Variants in ERC2 observed in about 807,000 individuals in gnomAD.
ERC2 encodes ELKS/RAB6-interacting/CAST family member 2.
In ERC2, 42 loss-of-function variants were observed where a neutral mutation model predicts 114.8. The ratio of observed to expected loss-of-function variants is 0.37; its 90% confidence interval spans 0.29 to 0.47. The LOEUF is 0.47. ERC2 is among the 20% of genes least tolerant of loss of function. The pLI, the probability that ERC2 is intolerant of heterozygous loss-of-function variation, is 0.99. For missense variants in ERC2, 939 were observed against 1,150.7 expected, an observed-to-expected ratio of 0.82 and a Z score of 2.66; for synonymous variants, 454 against 425.5, an observed-to-expected ratio of 1.07 and a Z score of -0.82.
At chr3:55,824,037 AC>A (rs2060230719) in intron 14 of ERC2, among the ~76,000 whole-genome samples, 4 of 152,132 alleles carry the variant, frequency 2.6e-5, no homozygotes, top group African/African-American at 2.4e-5. Flanking sequence ...TTCTCTGTGC[AC>A]ATGTAACCCT....
intron 7 of ERC2, among the ~76,000 whole-genome samples, chr3:56,027,689 C>T (rs2074128874): frequency 6.6e-6 from 1 of 152,144 alleles, no homozygotes; most frequent in Non-Finnish European, 1.5e-5. Flanking sequence ...ACCGTTGTGA[C>T]TCCTTTATAT....
At position 56,467,300 on chromosome 3, in the gene ERC2, T is replaced by C. The variant is rs1379660860; in HGVS notation, c.-141+948A>G. On this transcript the variant is annotated intron_variant, in intron 1 of 17. Coordinates refer to ENST00000288221, the MANE Select transcript of ERC2 (RefSeq NM_015576.3). The stretch of plus-strand genomic sequence containing the variant: ...CGTAAGTGGCAGGTGTGGCTGTCAA[T>C]CACAGAGGGAACCGACAATTCACCG... Among the ~76,000 whole-genome samples the C allele has an allele frequency of 3.7e-4, 56 of 152,128 alleles. 1 individual carries two copies. The highest frequency in any genetic ancestry group is 4.4e-5 in the Non-Finnish European group (3 of 68,016).
chr3:56,217,095 C>CCT (rs531777184), intron 3 of ERC2, among the ~76,000 whole-genome samples: 2 of 151,712 alleles, frequency 1.3e-5, no homozygotes, highest in Admixed American at 6.6e-5. Context: ...ACAGGGATGC[C>CCT]CTCTCACCAC....
intron 17 of ERC2, among the ~76,000 whole-genome samples, chr3:55,629,940 C>G (rs989456188): frequency 3.9e-5 from 6 of 152,050 alleles, no homozygotes; most frequent in African/African-American, 1.4e-4. Context: ...TCTCAGAGGT[C>G]CTGCGTGGCA....
chr3:55,976,674 T>C (rs11713228), intron 12 of ERC2, among the ~76,000 whole-genome samples: 36,188 of 152,056 alleles, frequency 0.24, 4,933 homozygotes, highest in Admixed American at 0.33. Flanking sequence ...CAAACCTAAC[T>C]TGGGCCTGTC....
intron 13 of ERC2, among the ~76,000 whole-genome samples, chr3:55,923,753 C>T (rs1482553940): frequency 6.6e-6 from 1 of 151,990 alleles, no homozygotes; most frequent in African/African-American, 2.4e-5. Context: ...TTTTCTACTG[C>T]TTTAGGGAGA....
At chr3:56,087,069 G>A (rs1369175536) in intron 6 of ERC2, among the ~76,000 whole-genome samples, 1 of 152,064 alleles carries the variant, frequency 6.6e-6, no homozygotes, top group African/African-American at 2.4e-5. Flanking sequence ...CCAGAAGGTT[G>A]AATTTCCAAT....
rs1156752893 is a variant in ERC2, at chr3:55,969,392, T to TAAACACAC, written c.2267+16584_2267+16585insGTGTGTTT. Among the ~76,000 whole-genome samples the TAAACACAC allele has an allele frequency of 1.3e-3, 178 of 140,688 alleles. 1 individual carries two copies. Among genetic ancestry groups the TAAACACAC allele is most frequent in the African/African-American group, 4.5e-3 (167 of 37,230 alleles). The allele number at this position is 140,688 out of a possible 152,430, so 92.3% of individuals were successfully genotyped here. A position where few individuals can be genotyped will look rare whatever the true frequency, so the allele number is the denominator to read the frequency against. The stretch of plus-strand genomic sequence containing the variant: ...TCGCTGGTCAGGAATTTTATACACA[T>TAAACACAC]ACACACACACACACACACACACACA... On this transcript the variant is annotated intron_variant, in intron 12 of 17. Transcript: ENST00000288221.
intron 17 of ERC2, among the ~76,000 whole-genome samples, chr3:55,598,113 C>T (rs992487320): frequency 6.6e-6 from 1 of 152,190 alleles, no homozygotes; most frequent in African/African-American, 2.4e-5. Context: ...GCTGCAAGGA[C>T]AGAGAAGACA....
At chr3:56,086,673 G>A (rs2077520537) in intron 6 of ERC2, among the ~76,000 whole-genome samples, 1 of 151,934 alleles carries the variant, frequency 6.6e-6, no homozygotes, top group African/African-American at 2.4e-5. Flanking sequence ...TAAATACAGG[G>A]AAGATAAGGC....
intron 17 of ERC2, among the ~76,000 whole-genome samples, chr3:55,598,788 G>A (rs1342834629): frequency 1.3e-5 from 2 of 152,368 alleles, no homozygotes; most frequent in African/African-American, 2.4e-5. Flanking sequence ...GGCTGCTGTA[G>A]GGGCAGTCAA....
At chr3:56,312,417 G>C (rs960813663) in intron 2 of ERC2, among the ~76,000 whole-genome samples, 1 of 152,174 alleles carries the variant, frequency 6.6e-6, no homozygotes, top group Non-Finnish European at 1.5e-5. Flanking sequence ...GCAGAATAGA[G>C]TGGGTGATCA....
chr3:56,211,524 C>T (rs941932492), intron 3 of ERC2, among the ~76,000 whole-genome samples: 5 of 151,852 alleles, frequency 3.3e-5, no homozygotes, highest in Admixed American at 2.6e-4. Context: ...TAATTCTACA[C>T]AATAGCAATC....
intron 6 of ERC2, among the ~76,000 whole-genome samples, chr3:56,122,314 C>T (rs2079622923): frequency 6.6e-6 from 1 of 152,132 alleles, no homozygotes; most frequent in South Asian, 2.1e-4. Flanking sequence ...TAAATCCCCA[C>T]ACTTACATAC....
At chr3:55,702,111 A>G (rs1220550349) in intron 15 of ERC2, among the ~76,000 whole-genome samples, 1 of 152,248 alleles carries the variant, frequency 6.6e-6, no homozygotes, top group Non-Finnish European at 1.5e-5. Context: ...CCCATAAAAG[A>G]ATGTACAAGC....
At chr3:55,832,345 G>GGA (rs1331316881) in intron 14 of ERC2, among the ~76,000 whole-genome samples, 13 of 152,224 alleles carry the variant, frequency 8.5e-5, no homozygotes, top group African/African-American at 3.1e-4. Flanking sequence ...CAGCCTAACT[G>GGA]GAAGGCATCC....
chr3:56,244,231 T>C (rs570736276), intron 3 of ERC2, among the ~76,000 whole-genome samples: 17 of 152,276 alleles, frequency 1.1e-4, no homozygotes, highest in African/African-American at 3.4e-4. Flanking sequence ...TTTGTGGTGC[T>C]GCTGGTGCAA....
At chr3:55,846,403 G>T (rs976109317) in intron 14 of ERC2, among the ~76,000 whole-genome samples, 1 of 152,216 alleles carries the variant, frequency 6.6e-6, no homozygotes. Context: ...ACCACTGATG[G>T]GCATCTAGGT....
At chr3:55,812,815 G>C (rs1206386722) in intron 14 of ERC2, among the ~76,000 whole-genome samples, 1 of 152,244 alleles carries the variant, frequency 6.6e-6, no homozygotes, top group Non-Finnish European at 1.5e-5. Context: ...CTGACTCTTG[G>C]TGTGATGGTC....
Sources: gnomAD v4.1 joint callset for allele counts (sites outside exome capture counted in the v4.1 genomes callset) on GRCh38, gnomAD v4.1.1 for gene constraint, MANE v1.5 for transcripts, NCBI Gene and HGNC (gene_info 2026-07-23, HGNC 2026-07-21) for gene names.